The following CENPI variants were observed in gnomAD, a reference collection of about 807,000 sequenced individuals.
CENPI encodes the protein FSH primary response 1.
A neutral mutation model predicts 60.4 loss-of-function variants in CENPI; 4 were observed. That is an observed-to-expected ratio of 0.07 (90% CI 0.03 to 0.15). CENPI has a LOEUF of 0.15. CENPI is among the 10% of genes least tolerant of loss of function. The pLI is 1.00. For missense variants in CENPI, 444 were observed against 534.5 expected, an observed-to-expected ratio of 0.83 and a Z score of 1.67; for synonymous variants, 157 against 189.4, an observed-to-expected ratio of 0.83 and a Z score of 1.40.
intron 6 of CENPI, among the ~76,000 whole-genome samples, chrX:101,114,478 C>G (rs1422518610): frequency 9.0e-6 from 1 of 111,682 alleles, no homozygotes; most frequent in Non-Finnish European, 1.9e-5. Context: ...CTCTCTATTA[C>G]CCCCCTAGCT....
chrX:101,178,782 C>T, the CENPI span, among the ~76,000 whole-genome samples: 1 of 111,925 alleles, frequency 8.9e-6, no homozygotes, highest in African/African-American at 3.2e-5. Flanking sequence ...TGGTTAATAA[C>T]TACAGTAGCT....
At chrX:101,170,364 G>A (rs1425444991), downstream of CENPI, among the ~76,000 whole-genome samples, 3 of 111,421 alleles carry the variant, frequency 2.7e-5, no homozygotes, top group South Asian at 3.7e-4. Context: ...CAATAAAATC[G>A]CCTAACACAT....
intron 6 of CENPI, among the ~76,000 whole-genome samples, chrX:101,112,225 T>A (rs1464968995): frequency 9.0e-6 from 1 of 111,242 alleles, no homozygotes; most frequent in African/African-American, 3.3e-5. Context: ...ACTATGAACC[T>A]GACAGCTTTT....
intron 8 of CENPI, among the ~76,000 whole-genome samples, chrX:101,123,217 G>A (rs2089698241): frequency 8.9e-6 from 1 of 112,206 alleles, no homozygotes; most frequent in Non-Finnish European, 1.9e-5. Flanking sequence ...ACATATGTGA[G>A]GAAATACATT....
At chrX:101,117,108 A>G (rs774925110) in intron 6 of CENPI, among the ~76,000 whole-genome samples, 1 of 111,677 alleles carries the variant, frequency 9.0e-6, no homozygotes, top group East Asian at 2.8e-4. Context: ...TATATGATTT[A>G]CCTGAGAGTT....
intron 20 of CENPI, among the ~76,000 whole-genome samples, chrX:101,160,476 G>A (rs1035707424): frequency 1.9e-5 from 2 of 106,659 alleles, no homozygotes; most frequent in African/African-American, 6.9e-5. Context: ...TGCCTCCCAG[G>A]TTCAAGCATT....
chrX:101,174,406 G>A, the CENPI span, among the ~76,000 whole-genome samples: 1 of 111,914 alleles, frequency 8.9e-6, no homozygotes, highest in African/African-American at 3.3e-5. Context: ...GGCAAAACAT[G>A]GAATCAACCT....
At chrX:101,130,122 T>A (rs1220110511) in intron 13 of CENPI, 49 bp downstream of exon 13, 10 of 922,946 alleles carry the variant, frequency 1.1e-5, no homozygotes, top group Non-Finnish European at 1.6e-5. Flanking sequence ...TTACTAAAAT[T>A]TATTTAGATA....
At chrX:101,159,248 G>A (rs370578959) in intron 20 of CENPI, among the ~76,000 whole-genome samples, 12 of 109,754 alleles carry the variant, frequency 1.1e-4, no homozygotes, top group South Asian at 7.9e-4. Context: ...TGCAAGCTCC[G>A]CCTCCCAGGT....
chrX:101,145,278 C>T, intron 17 of CENPI, 79 bp downstream of exon 17: 5 of 809,210 alleles, frequency 6.2e-6, no homozygotes, highest in South Asian at 5.6e-5. Context: ...AAATTTCATG[C>T]ACAACCATTA....
At chrX:101,125,470 C>T (rs1174459644) in intron 8 of CENPI, among the ~76,000 whole-genome samples, 1 of 111,442 alleles carries the variant, frequency 9.0e-6, no homozygotes, top group Non-Finnish European at 1.9e-5. Flanking sequence ...GATCTCAGCT[C>T]ACTGCTACCT....
chrX:101,125,974 A>C (rs1453171474), intron 8 of CENPI, among the ~76,000 whole-genome samples: 1 of 111,783 alleles, frequency 8.9e-6, no homozygotes, highest in East Asian at 2.8e-4. Flanking sequence ...CAACATAGAT[A>C]AACTGGGTCA....
rs150379335 is a variant in CENPI at position 101,152,415 on chromosome X, G to A, written c.2094+4254G>A. On this transcript the variant is annotated intron_variant, in intron 20 of 21. Transcript: ENST00000682095. Reference sequence around the variant, plus strand: ...CACAATATGTGGTCTTCTGTGACTGGCTTCTTTCTTTTTCTTTTTTTGAGA... The same window carrying A: ...CACAATATGTGGTCTTCTGTGACTGACTTCTTTCTTTTTCTTTTTTTGAGA... Among the ~76,000 whole-genome samples, 631 of 109,667 alleles carry A rather than the reference G, an allele frequency of 5.8e-3. 8 individuals are homozygous for A. The highest frequency in any genetic ancestry group is 0.02 in the African/African-American group (590 of 30,128).
At chrX:101,171,265 G>A in the CENPI span, among the ~76,000 whole-genome samples, 2 of 109,602 alleles carry the variant, frequency 1.8e-5, no homozygotes, top group East Asian at 5.7e-4. Flanking sequence ...GTCCCCCATT[G>A]TACTGGGACG....
At chrX:101,129,810 T>C (rs2089776294) in intron 12 of CENPI, among the ~76,000 whole-genome samples, 172 bp from the exon 13 acceptor site, 1 of 112,200 alleles carries the variant, frequency 8.9e-6, no homozygotes, top group African/African-American at 3.2e-5. Flanking sequence ...TGTTGAGGAA[T>C]ATCTCACTAT....
chrX:101,132,075 C>T, intron 13 of CENPI, 115 bp from the exon 14 acceptor site: 1 of 504,324 alleles, frequency 2.0e-6, no homozygotes, highest in Admixed American at 3.3e-5. Context: ...ATATTCATGA[C>T]AAAAAATTAG....
At chrX:101,170,942 C>A (rs762908052), downstream of CENPI, among the ~76,000 whole-genome samples, 1 of 111,881 alleles carries the variant, frequency 8.9e-6, no homozygotes, top group African/African-American at 3.2e-5. Context: ...CCAATGCAGT[C>A]TCTATTGAAA....
intron 11 of CENPI, among the ~76,000 whole-genome samples, chrX:101,127,963 C>T (rs1405166586): frequency 1.8e-5 from 2 of 109,569 alleles, no homozygotes; most frequent in African/African-American, 3.3e-5. Flanking sequence ...TTTGGGAGGC[C>T]GAGGTGGGCG....
chrX:101,146,882 C>T (rs1404899837), intron 18 of CENPI, among the ~76,000 whole-genome samples: 1 of 110,327 alleles, frequency 9.1e-6, no homozygotes, highest in Non-Finnish European at 1.9e-5. Flanking sequence ...TTACAGGCGC[C>T]CGCCACCACG....
Sources: gnomAD v4.1 joint callset for allele counts (sites outside exome capture counted in the v4.1 genomes callset) on GRCh38, gnomAD v4.1.1 for gene constraint, MANE v1.5 for transcripts, NCBI Gene and HGNC (gene_info 2026-07-23, HGNC 2026-07-21) for gene names.